The following KCNIP4 variants were observed in gnomAD, a reference collection of about 807,000 sequenced individuals.
KCNIP4 encodes the protein Kv channel-interacting protein 4.
KCNIP4 carries 12 observed loss-of-function variants against 34.0 expected under a neutral mutation model. That is an observed-to-expected ratio of 0.35 (90% CI 0.23 to 0.57). KCNIP4 has a LOEUF of 0.57. Ranked by LOEUF, KCNIP4 falls within the 20% of genes least tolerant of loss-of-function variation. The pLI, the probability that KCNIP4 is intolerant of heterozygous loss-of-function variation, is 0.83. For missense variants in KCNIP4, 238 were observed against 311.7 expected (o/e 0.76, Z 1.78); for synonymous variants, 124 against 102.2 (o/e 1.21, Z -1.29).
At chr4:20,928,265 T>C (rs1730095318) in intron 1 of KCNIP4, among the ~76,000 whole-genome samples, 1 of 151,614 alleles carries the variant, frequency 6.6e-6, no homozygotes, top group East Asian at 1.9e-4. Flanking sequence ...TGTATTTTAT[T>C]CTTCCTATTC....
chr4:21,851,081 A>C (rs1043461881), intron 1 of KCNIP4: 1 of 152,172 alleles, frequency 6.6e-6, no homozygotes, highest in Non-Finnish European at 1.5e-5. Context: ...TTTCTAAAAC[A>C]ATGTCAAGAA....
At chr4:21,594,726 A>G (rs954911077) in intron 1 of KCNIP4, among the ~76,000 whole-genome samples, 2 of 139,868 alleles carry the variant, frequency 1.4e-5, no homozygotes, top group Middle Eastern at 3.5e-3. Context: ...GCAACAAAAA[A>G]TTGATGGAAG....
chr4:20,889,965 A>G (rs1185306783), intron 1 of KCNIP4, among the ~76,000 whole-genome samples: 1 of 152,122 alleles, frequency 6.6e-6, no homozygotes, highest in African/African-American at 2.4e-5. Flanking sequence ...AAGCATTATA[A>G]ATGATGTTCT....
intron 1 of KCNIP4, among the ~76,000 whole-genome samples, chr4:20,978,393 A>C (rs764077968): frequency 6.6e-6 from 1 of 152,234 alleles, no homozygotes; most frequent in Non-Finnish European, 1.5e-5. Context: ...AGCAAATGGC[A>C]TTCAGGTCAT....
intron 1 of KCNIP4, among the ~76,000 whole-genome samples, chr4:21,618,683 A>G (rs1285811362): frequency 1.0e-3 from 127 of 121,282 alleles, no homozygotes; most frequent in African/African-American, 4.0e-3. Context: ...CCCGGGCTGG[A>G]GTGCAGTGGC....
chr4:21,078,345 T>A (rs1745691648), intron 1 of KCNIP4, among the ~76,000 whole-genome samples: 1 of 152,018 alleles, frequency 6.6e-6, no homozygotes, highest in African/African-American at 2.4e-5. Flanking sequence ...CAGTGGAAAT[T>A]TATCTTCTCA....
chr4:21,522,800 G>T (rs1735652103), intron 1 of KCNIP4, among the ~76,000 whole-genome samples: 1 of 151,972 alleles, frequency 6.6e-6, no homozygotes. Context: ...TTAGATTATT[G>T]AATGGATTAA....
intron 1 of KCNIP4, among the ~76,000 whole-genome samples, chr4:21,560,433 A>G (rs963779678): frequency 1.3e-5 from 2 of 152,140 alleles, no homozygotes; most frequent in Non-Finnish European, 2.9e-5. Context: ...TCAGAAAATT[A>G]AATATTCACA....
At chr4:21,570,342 C>T (rs1003559582) in intron 1 of KCNIP4, among the ~76,000 whole-genome samples, 12 of 151,928 alleles carry the variant, frequency 7.9e-5, no homozygotes, top group African/African-American at 2.9e-4. Context: ...TCCTGAAGGC[C>T]CTGAGCATTG....
In KCNIP4 at chr4:20,763,203, A is replaced by G. The variant is rs144231483; in HGVS notation, c.289-4313T>C. ...TAACCTGAAAATCTGAAATACTCCA[A>G]TGAGCATTTACTTTGAATGCCATTT... On this transcript the variant is annotated intron_variant, in intron 3 of 8. Transcript: ENST00000382152. Among the ~76,000 whole-genome samples the G allele has an allele frequency of 4.6e-5, 7 of 152,296 alleles. No homozygotes were observed. In the South Asian group the frequency reaches 1.2e-3, roughly 27 times the overall value.
intron 1 of KCNIP4, among the ~76,000 whole-genome samples, chr4:21,474,337 G>T (rs1206865607): frequency 2.0e-5 from 3 of 151,968 alleles, no homozygotes; most frequent in African/African-American, 7.3e-5. Context: ...CTGCTCTATG[G>T]TCCTATTAAT....
At chr4:21,837,704 T>TG (rs11423708) in intron 1 of KCNIP4, among the ~76,000 whole-genome samples, 130,127 of 151,746 alleles carry the variant, frequency 0.86, 56,041 homozygotes, top group Admixed American at 0.89. Context: ...TGTAAGTCCA[T>TG]GAAGTTGTTC....
At chr4:21,824,742 G>T (rs767969409) in intron 1 of KCNIP4, among the ~76,000 whole-genome samples, 1 of 152,070 alleles carries the variant, frequency 6.6e-6, no homozygotes, top group Non-Finnish European at 1.5e-5. Flanking sequence ...CAGTTCCCCT[G>T]TCTTGATAGA....
intron 1 of KCNIP4, among the ~76,000 whole-genome samples, chr4:21,246,746 G>A (rs1307401696): frequency 6.6e-6 from 1 of 152,066 alleles, no homozygotes; most frequent in Non-Finnish European, 1.5e-5. Flanking sequence ...GAGTAAAAGG[G>A]TTTGATTGTA....
chr4:21,195,317 T>G (rs1238354713), intron 1 of KCNIP4, among the ~76,000 whole-genome samples: 1 of 152,246 alleles, frequency 6.6e-6, no homozygotes, highest in African/African-American at 2.4e-5. Flanking sequence ...GGAATATATG[T>G]GTACTCAAAT....
At chr4:20,915,376 A>C (rs997719813) in intron 1 of KCNIP4, among the ~76,000 whole-genome samples, 1 of 152,202 alleles carries the variant, frequency 6.6e-6, no homozygotes, top group African/African-American at 2.4e-5. Context: ...AAAAAAATTA[A>C]AACCACAAAA....
intron 1 of KCNIP4, among the ~76,000 whole-genome samples, chr4:21,931,082 C>G (rs1250381534): frequency 2.6e-5 from 4 of 151,984 alleles, no homozygotes; most frequent in African/African-American, 9.7e-5. Flanking sequence ...ATCAGTAAGG[C>G]CATTACAAAA....
chr4:21,721,050 G>T (rs922848442), intron 1 of KCNIP4, among the ~76,000 whole-genome samples: 2 of 152,186 alleles, frequency 1.3e-5, no homozygotes, highest in South Asian at 4.1e-4. Context: ...GGATGGCTGA[G>T]TCAAATGGTA....
intron 1 of KCNIP4, among the ~76,000 whole-genome samples, chr4:21,507,898 C>T (rs1160590094): frequency 5.3e-5 from 8 of 152,164 alleles, no homozygotes; most frequent in Non-Finnish European, 8.8e-5. Flanking sequence ...TTTAAAATTT[C>T]ATGAAGTTTT....
Sources: gnomAD v4.1 joint callset for allele counts (sites outside exome capture counted in the v4.1 genomes callset) on GRCh38, gnomAD v4.1.1 for gene constraint, MANE v1.5 for transcripts, NCBI Gene and HGNC (gene_info 2026-07-23, HGNC 2026-07-21) for gene names.